SLC16A14: variants seen among roughly 807,000 people sequenced by gnomAD.
SLC16A14 encodes monocarboxylate transporter 14.
In SLC16A14, 14 loss-of-function variants were observed where a neutral mutation model predicts 35.8. The ratio of observed to expected loss-of-function variants is 0.39; its 90% CI spans 0.26 to 0.61. The LOEUF (loss-of-function observed/expected upper bound fraction) is 0.61, where lower values mean the gene tolerates loss of function less well. Among genes scored for constraint, SLC16A14 ranks in the 20% least tolerant of loss-of-function variants. The pLI, the probability that SLC16A14 is intolerant of heterozygous loss-of-function variation, is 0.51. For missense variants in SLC16A14, 533 were observed against 655.0 expected (o/e 0.81, Z 2.03); for synonymous variants, 248 against 258.9 (o/e 0.96, Z 0.40).
chr2:230,064,346 A>G (rs4499412), intron 1 of SLC16A14, among the ~76,000 whole-genome samples: 29,055 of 151,360 alleles, frequency 0.19, 2,848 homozygotes, highest in Middle Eastern at 0.24. Flanking sequence ...GTATGCATGT[A>G]TCTGTCCCCT....
chr2:230,064,126 A>G (rs2077772563), intron 1 of SLC16A14, among the ~76,000 whole-genome samples: 1 of 152,010 alleles, frequency 6.6e-6, no homozygotes, highest in African/African-American at 2.4e-5. Flanking sequence ...CTCAATAGAT[A>G]TATATTACCT....
intron 2 of SLC16A14, among the ~76,000 whole-genome samples, chr2:230,051,954 T>A (rs1412104102): frequency 3.4e-5 from 5 of 149,104 alleles, no homozygotes; most frequent in African/African-American, 1.3e-4. Context: ...TTTTTTTTTT[T>A]GAGACGGAGT....
In SLC16A14 at chr2:230,046,112, T is replaced by C. The variant is rs773185549; in HGVS notation, c.1014A>G (p.Pro338=). 1 of 1,613,902 alleles carries C rather than the reference T, an allele frequency of 6.2e-7. No individual in the cohort carries two copies. Among genetic ancestry groups the C allele is most frequent in the Non-Finnish European group, 8.5e-7 (1 of 1,179,868 alleles). ...ATAAGTTATACAAATTGACGATTTC[T>C]GGGAGGTGAATGAAGGGGATGACAA... ...SSFVIPFIHL[P]EIVNLYNLSE... is the part of the protein sequence containing the mutation. The change falls in exon 4 of 5, where the codon CCA becomes CCG. Residue 338 remains proline, a synonymous_variant. Coordinates refer to ENST00000295190, the MANE Select transcript of SLC16A14 (RefSeq NM_152527.5). This position sits in a 1 kb window ranked among gnomAD's most constrained non-coding sequence, Gnocchi z 5.0.
chr2:230,057,855 C>T (rs1415489139), intron 2 of SLC16A14, among the ~76,000 whole-genome samples: 3 of 152,034 alleles, frequency 2.0e-5, no homozygotes, highest in African/African-American at 7.2e-5. Flanking sequence ...GGTGAAACCT[C>T]ATCTTTACTA....
Position 230,049,789 on chromosome 2 carries a change from A to G in SLC16A14, c.375T>C (p.Tyr125=). ...VLSAYAANVH[Y]LFITFGVAAG... ...CTGCGACTCCAAAAGTAATGAAGAG[A>G]TAATGCACGTTTGCAGCATAGGCAC... Residue 125 remains tyrosine (Y), a synonymous_variant, in exon 3 of 5, where the codon TAT becomes TAC. Coordinates refer to ENST00000295190, the MANE Select transcript of SLC16A14 (RefSeq NM_152527.5). 1.2e-6 allele frequency: 2 copies of G among 1,614,196 alleles called. No individual in the cohort carries two copies. Among genetic ancestry groups the G allele is most frequent in the African/African-American group, 1.3e-5 (1 of 75,054 alleles).
At chr2:230,057,255 A>G (rs977623955) in intron 2 of SLC16A14, among the ~76,000 whole-genome samples, 5 of 152,208 alleles carry the variant, frequency 3.3e-5, no homozygotes, top group African/African-American at 9.7e-5. Context: ...TGCTTATTCA[A>G]TATTAATTGA....
intron 2 of SLC16A14, among the ~76,000 whole-genome samples, 157 bp from the exon 3 acceptor site, chr2:230,050,061 C>A (rs2077646631): frequency 6.6e-6 from 1 of 152,278 alleles, no homozygotes; most frequent in South Asian, 2.1e-4. Context: ...TTTTAGCATG[C>A]AAAGATGATT....
chr2:230,058,593 A>G (rs949357059), intron 2 of SLC16A14, among the ~76,000 whole-genome samples: 3 of 152,138 alleles, frequency 2.0e-5, no homozygotes, highest in Non-Finnish European at 4.4e-5. Context: ...GTGAAAAAAT[A>G]TGAGCGTACT....
At chr2:230,039,972 C>T (rs2077547318) in intron 4 of SLC16A14, among the ~76,000 whole-genome samples, 1 of 152,168 alleles carries the variant, frequency 6.6e-6, no homozygotes. Context: ...CCCCTGCCTA[C>T]ATCTCTCCCC....
chr2:230,059,478 C>G (rs936823388), intron 1 of SLC16A14, 112 bp from the exon 2 acceptor site: 1 of 721,020 alleles, frequency 1.4e-6, no homozygotes, highest in Non-Finnish European at 2.2e-6. Context: ...AGTATCACAT[C>G]TGATCTTCAG....
chr2:230,062,236 G>T (rs1487666927), intron 1 of SLC16A14, among the ~76,000 whole-genome samples: 1 of 152,108 alleles, frequency 6.6e-6, no homozygotes, highest in Non-Finnish European at 1.5e-5. Flanking sequence ...CTTTTCTCAG[G>T]AGTGTTCTGA....
At position 230,068,802 on chromosome 2, in the gene SLC16A14, C is replaced by T. The variant is rs181285079; in HGVS notation, c.-262G>A. ...GCGTTTGGTGGAGCTGAAAGCTCGA[C>T]GCCTCAGTCCAGGTGGCTTTAAAAC... On this transcript the variant is annotated 5_prime_UTR_variant, in exon 1 of 5. Transcript: ENST00000295190. The surrounding 1 kb of genome is among the most constrained non-coding windows in gnomAD (Gnocchi z 5.1). 1 of 152,626 alleles carries T rather than the reference C, an allele frequency of 6.6e-6. No homozygotes were observed. Among genetic ancestry groups the T allele is most frequent in the South Asian group, 2.1e-4 (1 of 4,838 alleles). The allele number at this position is 152,626 out of a possible 1,614,324, so 9.5% of individuals were successfully genotyped here.
intron 2 of SLC16A14, among the ~76,000 whole-genome samples, chr2:230,050,973 A>G (rs749429918): frequency 2.0e-5 from 3 of 152,194 alleles, no homozygotes; most frequent in Non-Finnish European, 4.4e-5. Flanking sequence ...GAAAAGAGCT[A>G]GTTGTCATCA....
rs572462253 is a variant in SLC16A14, at chr2:230,035,016, A to C, written c.*2364T>G. The C allele has an allele frequency of 6.6e-6, 1 of 152,256 alleles. No individual in the cohort carries two copies. The highest frequency in any genetic ancestry group is 2.4e-5 in the African/African-American group (1 of 41,468). 9.4% of individuals were successfully genotyped at this position (152,256 alleles called of 1,614,324 possible). Reference sequence around the variant, plus strand: ...GACAACATTTATTTAGTTGTATGTAAATAAAAATTACTTGGATACATGAGG... The same window carrying C: ...GACAACATTTATTTAGTTGTATGTACATAAAAATTACTTGGATACATGAGG... On this transcript the variant is annotated 3_prime_UTR_variant, in exon 5 of 5. Coordinates refer to ENST00000295190, the MANE Select transcript of SLC16A14 (RefSeq NM_152527.5).
rs183938095 is a variant in SLC16A14, at chr2:230,059,379, T to A, written c.-14-13A>T. ...TTCCAAGATTTTTCTGAAATACATA[T>A]AACAAATAATTTCATGGAACATCAA... On this transcript the variant is annotated splice_polypyrimidine_tract_variant and intron_variant, in intron 1 of 4. Coordinates refer to ENST00000295190, the MANE Select transcript of SLC16A14 (RefSeq NM_152527.5). 76 of 1,522,604 alleles carry A rather than the reference T, an allele frequency of 5.0e-5. No individual in the cohort carries two copies. In the African/African-American group the frequency reaches 7.1e-4, roughly 14 times the overall value. The allele number at this position is 1,522,604 out of a possible 1,614,324, so 94.3% of individuals were successfully genotyped here.
At chr2:230,055,367 G>T (rs1462844091) in intron 2 of SLC16A14, among the ~76,000 whole-genome samples, 1 of 152,130 alleles carries the variant, frequency 6.6e-6, no homozygotes, top group Non-Finnish European at 1.5e-5. Context: ...TGGGATAATG[G>T]ACAATAATTT....
At chr2:230,037,587 A>G in intron 4 of SLC16A14, 56 bp from the exon 5 acceptor site, 1 of 1,418,770 alleles carries the variant, frequency 7.0e-7, no homozygotes, top group South Asian at 1.6e-5. Flanking sequence ...ATGAAAGTGA[A>G]GAACATGAAG....
At chr2:230,061,119 G>A (rs2077748981) in intron 1 of SLC16A14, among the ~76,000 whole-genome samples, 1 of 152,194 alleles carries the variant, frequency 6.6e-6, no homozygotes, top group African/African-American at 2.4e-5. Flanking sequence ...GAGCCAGGGA[G>A]CACTCTGCCC....
rs552026751 is a variant in SLC16A14, at chr2:230,058,923, G to A, written c.259+171C>T. 73 of 881,004 alleles carry A rather than the reference G, an allele frequency of 8.3e-5. No individual in the cohort carries two copies. The African/African-American group carries it at 9.2e-4, about 11-fold the overall frequency. The allele number at this position is 881,004 out of a possible 1,614,324, so 54.6% of individuals were successfully genotyped here. ...GCTGGGATTACAGGTGTGAGTCACC[G>A]TGCCTGGCCTAAAATGGTAAATTTT... On this transcript the variant is annotated intron_variant, in intron 2 of 4. Transcript: ENST00000295190.
Sources: gnomAD v4.1 joint callset for allele counts (sites outside exome capture counted in the v4.1 genomes callset) on GRCh38, gnomAD v4.1.1 for gene constraint, Gnocchi (gnomAD v3.1) non-coding constraint, MANE v1.5 for transcripts, NCBI Gene and HGNC (gene_info 2026-07-23, HGNC 2026-07-21) for gene names.